TTC27: variants seen among roughly 807,000 people sequenced by gnomAD.
The protein encoded by TTC27 is tetratricopeptide repeat domain 27.
A neutral mutation model predicts 115.9 loss-of-function variants in TTC27; 79 were observed. The ratio of observed to expected loss-of-function variants is 0.68; its 90% CI spans 0.57 to 0.82. The LOEUF (loss-of-function observed/expected upper bound fraction) is 0.82. TTC27 is among the 40% of genes least tolerant of loss of function. The probability of loss-of-function intolerance (pLI) is 0.00; values close to 1 mark genes in which losing one functional copy is unlikely to be tolerated. For missense variants in TTC27, 1,054 were observed against 993.1 expected, an observed-to-expected ratio of 1.06 and a Z score of -0.82; for synonymous variants, 401 against 356.0, an observed-to-expected ratio of 1.13 and a Z score of -1.42.
chr2:32,731,549 A>C (rs774639677), intron 10 of TTC27, among the ~76,000 whole-genome samples: 9 of 151,124 alleles, frequency 6.0e-5, no homozygotes, highest in Non-Finnish European at 1.2e-4. Context: ...CTATTTTTTA[A>C]CGATTTTTTT....
rs200265590 is a variant in TTC27, at chr2:32,666,596, A to C, written c.806-39A>C. 2.0e-4 allele frequency: 317 copies of C among 1,606,494 alleles called. 1 individual carries two copies. The African/African-American group carries it at 3.7e-3, about 19-fold the overall frequency. On this transcript the variant is annotated intron_variant, in intron 6 of 19. Transcript: ENST00000317907. ...TCTTCATGACTGTACAGTAGATCTC[A>C]TGGGTAAGTCAGTAGATATAATTTT...
At chr2:32,663,941 G>T (rs1452694801) in intron 5 of TTC27, among the ~76,000 whole-genome samples, 4 of 151,348 alleles carry the variant, frequency 2.6e-5, no homozygotes, top group Non-Finnish European at 4.4e-5. Flanking sequence ...CCTCGGCCTC[G>T]CAAGGTACAG....
rs1368963771 is a variant in TTC27, at chr2:32,765,367, T to TC, written c.1680+6848_1680+6849insC. Among the ~76,000 whole-genome samples, 3 of 152,058 alleles carry TC rather than the reference T, an allele frequency of 2.0e-5. No individual in the cohort carries two copies. The East Asian group carries it at 5.8e-4, about 29-fold the overall frequency. ...TATTTTGAAAGGAATCTTTTTTTTT[T>TC]TTTTTTTAAGGAGTAAGTCTCCACA... On this transcript the variant is annotated intron_variant, in intron 13 of 19. Transcript: ENST00000317907.
At chr2:32,708,725 A>G (rs578239930) in intron 10 of TTC27, among the ~76,000 whole-genome samples, 1 of 152,114 alleles carries the variant, frequency 6.6e-6, no homozygotes, top group African/African-American at 2.4e-5. Flanking sequence ...GGCTTTTAGC[A>G]GCCTGAAACC....
At chr2:32,660,665 T>G (rs1279066789) in intron 5 of TTC27, among the ~76,000 whole-genome samples, 1 of 152,216 alleles carries the variant, frequency 6.6e-6, no homozygotes, top group African/African-American at 2.4e-5. Context: ...ATTCTGGATA[T>G]TAGCCCTTTG....
At chr2:32,636,361 T>C (rs570094456) in intron 3 of TTC27, among the ~76,000 whole-genome samples, 8 of 152,012 alleles carry the variant, frequency 5.3e-5, no homozygotes, top group African/African-American at 1.9e-4. Context: ...CTACAGGTGC[T>C]CACCACCACG....
intron 13 of TTC27, among the ~76,000 whole-genome samples, chr2:32,777,018 T>C (rs146631038): frequency 6.6e-6 from 1 of 152,352 alleles, no homozygotes; most frequent in Non-Finnish European, 1.5e-5. Flanking sequence ...TCCTATTTTA[T>C]CTGTTTTCTA....
At chr2:32,816,079 G>A (rs977248295) in intron 18 of TTC27, among the ~76,000 whole-genome samples, 6 of 152,082 alleles carry the variant, frequency 3.9e-5, no homozygotes, top group Non-Finnish European at 5.9e-5. Flanking sequence ...AGGCTGAGGT[G>A]GGTGGATCAC....
intron 10 of TTC27, among the ~76,000 whole-genome samples, chr2:32,727,880 G>T (rs1476625945): frequency 5.3e-5 from 8 of 151,830 alleles, no homozygotes; most frequent in African/African-American, 1.9e-4. Context: ...AATATTGATG[G>T]ATTATAACTT....
intron 12 of TTC27, among the ~76,000 whole-genome samples, chr2:32,737,501 A>C (rs1668486243): frequency 6.6e-6 from 1 of 152,204 alleles, no homozygotes; most frequent in Admixed American, 6.5e-5. Flanking sequence ...AAATTGGATC[A>C]TTTATACCTA....
In TTC27 at chr2:32,636,306, C is replaced by T. The variant is rs527266948; in HGVS notation, c.396+2301C>T. Among the ~76,000 whole-genome samples the T allele has an allele frequency of 2.2e-4, 33 of 152,196 alleles. No individual in the cohort carries two copies. In the South Asian group the frequency reaches 3.7e-3, roughly 17 times the overall value. On this transcript the variant is annotated intron_variant, in intron 3 of 19. Coordinates refer to ENST00000317907, the MANE Select transcript of TTC27 (RefSeq NM_017735.5). ...TCGGCTCACTGCAGTCTCTGCCTCC[C>T]GGGTTCAAATGATTCTCCCACCTCA...
intron 16 of TTC27, among the ~76,000 whole-genome samples, chr2:32,787,894 AAGGGT>A (rs1240781112): frequency 8.5e-5 from 13 of 152,170 alleles, no homozygotes; most frequent in Non-Finnish European, 2.9e-5. Context: ...CATCCCTAGA[AAGGGT>A]AGGGGCTCTA....
chr2:32,783,066 A>C (rs1670235971), intron 15 of TTC27, among the ~76,000 whole-genome samples: 1 of 152,176 alleles, frequency 6.6e-6, no homozygotes, highest in African/African-American at 2.4e-5. Context: ...ATATGAACCA[A>C]TGTCTTCAGG....
intron 9 of TTC27, among the ~76,000 whole-genome samples, chr2:32,695,689 A>T (rs1666959628): frequency 7.6e-6 from 1 of 130,900 alleles, no homozygotes; most frequent in Non-Finnish European, 1.6e-5. Context: ...ACCACACTCC[A>T]GCCTGGGTGA....
intron 12 of TTC27, among the ~76,000 whole-genome samples, chr2:32,755,390 G>C (rs946008415): frequency 1.3e-5 from 2 of 152,196 alleles, no homozygotes; most frequent in African/African-American, 2.4e-5. Context: ...AGACCAGCCC[G>C]GCCAACACAG....
rs554664495 is a variant in TTC27 at position 32,692,975 on chromosome 2, C to CAA, written c.1120-9818_1120-9817dup. On this transcript the variant is annotated intron_variant, in intron 9 of 19. Transcript: ENST00000317907. Reference sequence around the variant, plus strand: ...TGGGTAACAGAGTGAGACTCTGTCTCAAAAAAAAAAAAAAATCTATAAAAC... The same window carrying CAA: ...TGGGTAACAGAGTGAGACTCTGTCTCAAAAAAAAAAAAAAAAATCTATAAAAC... 1.8e-3 allele frequency among the ~76,000 whole-genome samples: 193 copies of CAA among 105,478 alleles called. 1 individual carries two copies. The highest frequency in any genetic ancestry group is 5.9e-3 in the Admixed American group (58 of 9,912). 69.2% of individuals were successfully genotyped at this position (105,478 alleles called of 152,430 possible).
At chr2:32,795,113 CCAGA>C (rs1420381086) in intron 16 of TTC27, among the ~76,000 whole-genome samples, 1 of 144,246 alleles carries the variant, frequency 6.9e-6, no homozygotes, top group Non-Finnish European at 1.5e-5. Context: ...GATACCAAAG[CCAGA>C]CAAAGACATT....
At chr2:32,646,805 C>T (rs111369221) in intron 4 of TTC27, among the ~76,000 whole-genome samples, 4 of 151,498 alleles carry the variant, frequency 2.6e-5, no homozygotes, top group African/African-American at 7.3e-5. Context: ...CCTTGTGATC[C>T]GCCTGCCTCA....
intron 2 of TTC27, among the ~76,000 whole-genome samples, 198 bp from the exon 3 acceptor site, chr2:32,633,678 A>G (rs1161452838): frequency 6.6e-6 from 1 of 152,210 alleles, no homozygotes; most frequent in African/African-American, 2.4e-5. Context: ...TGCTGGAATT[A>G]CAGGCATGAA....
Sources: gnomAD v4.1 joint callset for allele counts (sites outside exome capture counted in the v4.1 genomes callset) on GRCh38, gnomAD v4.1.1 for gene constraint, MANE v1.5 for transcripts, NCBI Gene and HGNC (gene_info 2026-07-23, HGNC 2026-07-21) for gene names.